PPP1R3G: variants seen among roughly 807,000 people sequenced by gnomAD.
PPP1R3G encodes protein phosphatase 1 regulatory subunit 3G, also known as protein phosphatase 1, regulatory (inhibitor) subunit 3G.
A neutral mutation model predicts 2.0 loss-of-function variants in PPP1R3G; 3 were observed. The observed-to-expected ratio is 1.47, with a 90% CI of 0.67 to 3.81. The LOEUF (loss-of-function observed/expected upper bound fraction) is 3.81. Ranked by LOEUF, PPP1R3G falls within the 30% of genes most tolerant of loss-of-function variation. PPP1R3G has a pLI of 0.02. For missense variants in PPP1R3G, 595 were observed against 517.0 expected (o/e 1.15, Z -1.46); for synonymous variants, 267 against 250.9 (o/e 1.06, Z -0.61).
rs1410565460 is a variant in PPP1R3G at position 5,086,534 on chromosome 6, G to GCCAA, written c.1050_1051insCAAC (p.Tyr351GlnfsTer24). The GCCAA allele has an allele frequency of 2.0e-6, 3 of 1,530,250 alleles. No individual in the cohort carries two copies. Among genetic ancestry groups the GCCAA allele is most frequent in the Non-Finnish European group, 2.6e-6 (3 of 1,140,726 alleles). 94.8% of individuals were successfully genotyped at this position (1,530,250 alleles called of 1,614,324 possible). On this transcript the variant is annotated frameshift_variant, in exon 1 of 1. Transcript: ENST00000405617. LOFTEE classifies it high-confidence loss of function. ...AACGCGGGCGCCAACTACACGCTGC[G>GCCAA]CTACGCGCGCCCTGCGGACGCGCTC...
chr6:5,086,679 G>T lies in PPP1R3G; in HGVS notation c.*117G>T. 2.4e-6 allele frequency: 2 copies of T among 836,238 alleles called. No individual in the cohort carries two copies. 51.8% of individuals were successfully genotyped at this position (836,238 alleles called of 1,614,324 possible). A position where few individuals can be genotyped will look rare whatever the true frequency, so the allele number is the denominator to read the frequency against. On this transcript the variant is annotated 3_prime_UTR_variant, in exon 1 of 1. Coordinates refer to ENST00000405617, the MANE Select transcript of PPP1R3G (RefSeq NM_001145115.3). The stretch of plus-strand genomic sequence containing the variant: ...GAGCGTGGCGAGTCTGGCGTGAGGG[G>T]CGCGTGGAGGGAAAGGAGGGAGACT...
At position 5,086,015 on chromosome 6, in the gene PPP1R3G, T is replaced by G; in HGVS notation, c.530T>G (p.Leu177Arg). ...FPMRAEDLEQ[L>R]GGLLAAAAVA... The stretch of plus-strand genomic sequence containing the variant: ...ATGCGTGCCGAGGACCTGGAGCAGC[T>G]CGGGGGGCTGCTGGCCGCGGCGGCA... The change falls in exon 1 of 1, where the codon CTC becomes CGC. Residue 177 changes from leucine (L) to arginine (R), a missense_variant. Leu to Arg is a moderately radical substitution (Grantham distance 102). Coordinates refer to ENST00000405617, the MANE Select transcript of PPP1R3G (RefSeq NM_001145115.3). 6.7e-7 allele frequency: 1 copy of G among 1,501,250 alleles called. No homozygotes were observed. The allele number at this position is 1,501,250 out of a possible 1,614,324, so 93.0% of individuals were successfully genotyped here.
rs1204242667 is a variant in PPP1R3G, at chr6:5,088,358, G to A, written c.*1796G>A. On this transcript the variant is annotated 3_prime_UTR_variant, in exon 1 of 1. Transcript: ENST00000405617. ...GATCCACCCGCCTTGGCCTCCCAAAGTGCTAGGATTATAGGCGTGAGCCAC... is the reference window on the plus strand; with the variant it reads ...GATCCACCCGCCTTGGCCTCCCAAAATGCTAGGATTATAGGCGTGAGCCAC... 6.6e-6 allele frequency: 1 copy of A among 152,240 alleles called. No homozygotes were observed. The highest frequency in any genetic ancestry group is 1.5e-5 in the Non-Finnish European group (1 of 68,052). 9.4% of individuals were successfully genotyped at this position (152,240 alleles called of 1,614,324 possible). A position where few individuals can be genotyped will look rare whatever the true frequency, so the allele number is the denominator to read the frequency against.
rs1416560446 is a variant in PPP1R3G at position 5,085,622 on chromosome 6, A to G, written c.137A>G (p.Glu46Gly). The part of the protein sequence containing the change: ...QGGGDGGGAS[E>G]TPSPDAQLGD... ...GGCGGCGACGGCGGTGGCGCTTCGG[A>G]GACCCCGAGTCCTGACGCTCAGCTA... The change falls in exon 1 of 1, where the codon GAG (glutamate) becomes GGG (glycine). Residue 46 changes from glutamate (E) to glycine (G), a missense_variant. Glu to Gly is a moderately conservative substitution (Grantham distance 98). Transcript: ENST00000405617. 2 of 1,548,106 alleles carry G rather than the reference A, an allele frequency of 1.3e-6. No individual in the cohort carries two copies. The highest frequency in any genetic ancestry group is 1.7e-4 in the Middle Eastern group (1 of 5,788).
In PPP1R3G at chr6:5,085,940, A is replaced by G. The variant is rs1279370079; in HGVS notation, c.455A>G (p.Glu152Gly). The change falls in exon 1 of 1, where the codon GAG (glutamate) becomes GGG (glycine). Residue 152 changes from glutamate (E) to glycine (G), a missense_variant. Transcript: ENST00000405617. ...LASVKHFSEA[E>G]EPQVPPAVLS... Reference sequence around the variant, plus strand: ...AGCGTGAAGCACTTCAGCGAGGCGGAGGAGCCGCAGGTGCCGCCCGCCGTG... The same window carrying G: ...AGCGTGAAGCACTTCAGCGAGGCGGGGGAGCCGCAGGTGCCGCCCGCCGTG... 1 of 1,526,994 alleles carries G rather than the reference A, an allele frequency of 6.5e-7. No individual in the cohort carries two copies. The highest frequency in any genetic ancestry group is 8.7e-7 in the Non-Finnish European group (1 of 1,143,752). The allele number at this position is 1,526,994 out of a possible 1,614,324, so 94.6% of individuals were successfully genotyped here.
In PPP1R3G at chr6:5,086,671, C is replaced by T. The variant is rs1169468433; in HGVS notation, c.*109C>T. 12 of 905,006 alleles carry T rather than the reference C, an allele frequency of 1.3e-5. 1 individual carries two copies. The highest frequency in any genetic ancestry group is 3.1e-4 in the Middle Eastern group (1 of 3,268). 56.1% of individuals were successfully genotyped at this position (905,006 alleles called of 1,614,324 possible). Reference sequence around the variant, plus strand: ...GCTTTGCTGAGCGTGGCGAGTCTGGCGTGAGGGGCGCGTGGAGGGAAAGGA... The same window carrying T: ...GCTTTGCTGAGCGTGGCGAGTCTGGTGTGAGGGGCGCGTGGAGGGAAAGGA... On this transcript the variant is annotated 3_prime_UTR_variant, in exon 1 of 1. Transcript: ENST00000405617.
rs1487046631 is a variant in PPP1R3G, at chr6:5,085,921, A to C, written c.436A>C (p.Lys146Gln). The C allele has an allele frequency of 6.5e-7, 1 of 1,529,828 alleles. No homozygotes were observed. The highest frequency in any genetic ancestry group is 1.4e-5 in the African/African-American group (1 of 71,808). 94.8% of individuals were successfully genotyped at this position (1,529,828 alleles called of 1,614,324 possible). A position where few individuals can be genotyped will look rare whatever the true frequency, so the allele number is the denominator to read the frequency against. Residue 146 changes from lysine to glutamine, a missense_variant, in exon 1 of 1, where the codon AAG (lysine) becomes CAG (glutamine). Physicochemically the swap from Lys to Gln is moderately conservative, Grantham distance 53. Coordinates refer to ENST00000405617, the MANE Select transcript of PPP1R3G (RefSeq NM_001145115.3). ...GCTGGGGCTAAGCCTGGCCAGCGTG[A>C]AGCACTTCAGCGAGGCGGAGGAGCC... is the stretch of plus-strand genomic sequence containing the variant. ...DTLGLSLASV[K>Q]HFSEAEEPQV...
Position 5,085,430 on chromosome 6 carries a change from T to TTC in PPP1R3G, c.-55_-54insCT. On this transcript the variant is annotated 5_prime_UTR_variant, in exon 1 of 1. Transcript: ENST00000405617. ...CTCCTTCCACGGCCCGAGGAGTTAG[T>TTC]TAAGTCTCCAGAGGGGCCCGGTTCG... The TTC allele has an allele frequency of 2.3e-6, 3 of 1,317,790 alleles. No individual in the cohort carries two copies. Among genetic ancestry groups the TTC allele is most frequent in the South Asian group, 1.4e-5 (1 of 72,886 alleles). 81.6% of individuals were successfully genotyped at this position (1,317,790 alleles called of 1,614,324 possible). A position where few individuals can be genotyped will look rare whatever the true frequency, so the allele number is the denominator to read the frequency against.
At position 5,086,081 on chromosome 6, in the gene PPP1R3G, C is replaced by A. The variant is rs1649776500; in HGVS notation, c.596C>A (p.Pro199Gln). The A allele has an allele frequency of 6.8e-7, 1 of 1,467,988 alleles. No individual in the cohort carries two copies. The highest frequency in any genetic ancestry group is 8.9e-7 in the Non-Finnish European group (1 of 1,118,146). 90.9% of individuals were successfully genotyped at this position (1,467,988 alleles called of 1,614,324 possible). A position where few individuals can be genotyped will look rare whatever the true frequency, so the allele number is the denominator to read the frequency against. ...PLSAPPSRLRPLFQLPGPSAA... is the reference protein window; with the variant it reads ...PLSAPPSRLRQLFQLPGPSAA... ...TCAGCGCCGCCTTCCCGGCTCCGGC[C>A]GCTCTTCCAGCTCCCGGGGCCGAGC... Residue 199 changes from proline to glutamine, a missense_variant, in exon 1 of 1, where the codon CCG becomes CAG. Physicochemically the swap from Pro to Gln is moderately conservative, Grantham distance 76 (BLOSUM62 -1). Coordinates refer to ENST00000405617, the MANE Select transcript of PPP1R3G (RefSeq NM_001145115.3).
chr6:5,088,941 C>T lies in PPP1R3G; in HGVS notation c.*2379C>T, dbSNP rs1168505927. 1 of 152,190 alleles carries T rather than the reference C, an allele frequency of 6.6e-6. No homozygotes were observed. The highest frequency in any genetic ancestry group is 2.4e-5 in the African/African-American group (1 of 41,436). The allele number at this position is 152,190 out of a possible 1,614,324, so 9.4% of individuals were successfully genotyped here. ...AATTGGCTTCAAACTACAAAGCTGC[C>T]AGATATTTCTCTGTGCTTCAAAATG... is the stretch of plus-strand genomic sequence containing the variant. On this transcript the variant is annotated 3_prime_UTR_variant, in exon 1 of 1. Coordinates refer to ENST00000405617, the MANE Select transcript of PPP1R3G (RefSeq NM_001145115.3).
rs1310615079 is a variant in PPP1R3G, at chr6:5,085,821, G to C, written c.336G>C (p.Glu112Asp). 6.5e-7 allele frequency: 1 copy of C among 1,527,990 alleles called. No homozygotes were observed. 94.7% of individuals were successfully genotyped at this position (1,527,990 alleles called of 1,614,324 possible). A position where few individuals can be genotyped will look rare whatever the true frequency, so the allele number is the denominator to read the frequency against. The change falls in exon 1 of 1, where the codon GAG (glutamate) becomes GAC (aspartate). Residue 112 changes from glutamate (E) to aspartate (D), a missense_variant. Coordinates refer to ENST00000405617, the MANE Select transcript of PPP1R3G (RefSeq NM_001145115.3). ...AACAGGCGGTGGCACTGGGCGGCGA[G>C]GGGGCGGAGGACGCACAGCTCGGCC... ...QQQQAVALGG[E>D]GAEDAQLGPG...
rs1761975026 is a variant in PPP1R3G at position 5,085,697 on chromosome 6, A to G, written c.212A>G (p.Glu71Gly). The G allele has an allele frequency of 6.5e-7, 1 of 1,547,850 alleles. No homozygotes were observed. Among genetic ancestry groups the G allele is most frequent in the African/African-American group, 1.4e-5 (1 of 72,880 alleles). ...GAAGAGGCCGCCCCCCAGGAGCAGG[A>G]GGAGCTGCTGGAATGCCGCCGCCGC... ...PKEEAAPQEQ[E>G]ELLECRRRCR... Residue 71 changes from glutamate to glycine, a missense_variant, in exon 1 of 1, where the codon GAG (glutamate) becomes GGG (glycine). Transcript: ENST00000405617.
In PPP1R3G at chr6:5,087,345, C is replaced by A; in HGVS notation, c.*783C>A. The A allele has an allele frequency of 6.6e-6, 1 of 152,378 alleles. No homozygotes were observed. The highest frequency in any genetic ancestry group is 1.5e-5 in the Non-Finnish European group (1 of 68,050). The allele number at this position is 152,378 out of a possible 1,614,324, so 9.4% of individuals were successfully genotyped here. A position where few individuals can be genotyped will look rare whatever the true frequency, so the allele number is the denominator to read the frequency against. ...CTTAAACAACAGCCTACAAATTCCT[C>A]CCCTTCGTTCCTTCCTCTCTACTGC... On this transcript the variant is annotated 3_prime_UTR_variant, in exon 1 of 1. Coordinates refer to ENST00000405617, the MANE Select transcript of PPP1R3G (RefSeq NM_001145115.3).
In PPP1R3G at chr6:5,085,681, GC is replaced by G. The variant is rs1428762292; in HGVS notation, c.202del (p.Gln68ArgfsTer73). On this transcript the variant is annotated frameshift_variant, in exon 1 of 1. Coordinates refer to ENST00000405617, the MANE Select transcript of PPP1R3G (RefSeq NM_001145115.3). LOFTEE classifies it low-confidence loss of function (END_TRUNC). ...GCCCCTGTCCCCGAAGGAAGAGGCCGCCCCCCAGGAGCAGGAGGAGCTGCTG... is the reference window on the plus strand; with the variant it reads ...GCCCCTGTCCCCGAAGGAAGAGGCCGCCCCCAGGAGCAGGAGGAGCTGCTG... ...DRPLSPKEEA[A>X]PQEQEELLEC... 1.9e-6 allele frequency: 3 copies of G among 1,548,050 alleles called. No individual in the cohort carries two copies. Among genetic ancestry groups the G allele is most frequent in the Admixed American group, 3.9e-5 (2 of 50,972 alleles).
rs772692638 is a variant in PPP1R3G at position 5,086,257 on chromosome 6, C to A, written c.772C>A (p.Arg258Ser). The A allele has an allele frequency of 1.3e-6, 2 of 1,535,578 alleles. No individual in the cohort carries two copies. Among genetic ancestry groups the A allele is most frequent in the African/African-American group, 2.7e-5 (2 of 73,166 alleles). Residue 258 changes from arginine to serine, a missense_variant, in exon 1 of 1, where the codon CGC (arginine) becomes AGC (serine). Coordinates refer to ENST00000405617, the MANE Select transcript of PPP1R3G (RefSeq NM_001145115.3). ...VTVRYTFTEW[R>S]SFLDVPAELQ... The stretch of plus-strand genomic sequence containing the variant: ...CGTGCGCTACACCTTTACCGAGTGG[C>A]GCTCCTTCCTGGACGTGCCGGCTGA...
chr6:5,086,002 G>C lies in PPP1R3G; in HGVS notation c.517G>C (p.Asp173His), dbSNP rs751993316. Residue 173 changes from aspartate (D) to histidine (H), a missense_variant, in exon 1 of 1, where the codon GAC becomes CAC. Transcript: ENST00000405617. Reference sequence around the variant, plus strand: ...CCGAAGCTTCCCTATGCGTGCCGAGGACCTGGAGCAGCTCGGGGGGCTGCT... The same window carrying C: ...CCGAAGCTTCCCTATGCGTGCCGAGCACCTGGAGCAGCTCGGGGGGCTGCT... Reference protein sequence around the residue: ...RLRSFPMRAEDLEQLGGLLAA... With the variant: ...RLRSFPMRAEHLEQLGGLLAA... 1 of 1,519,990 alleles carries C rather than the reference G, an allele frequency of 6.6e-7. No homozygotes were observed. The highest frequency in any genetic ancestry group is 1.2e-5 in the South Asian group (1 of 82,798). The allele number at this position is 1,519,990 out of a possible 1,614,324, so 94.2% of individuals were successfully genotyped here. A position where few individuals can be genotyped will look rare whatever the true frequency, so the allele number is the denominator to read the frequency against.
At position 5,086,303 on chromosome 6, in the gene PPP1R3G, A is replaced by C. The variant is rs1237973763; in HGVS notation, c.818A>C (p.Glu273Ala). Residue 273 changes from glutamate (E) to alanine (A), a missense_variant, in exon 1 of 1, where the codon GAG becomes GCG. Glu to Ala is a moderately radical substitution (Grantham distance 107). Coordinates refer to ENST00000405617, the MANE Select transcript of PPP1R3G (RefSeq NM_001145115.3). Reference protein sequence around the residue: ...VPAELQPEPLEPQQPEAPSGA... With the variant: ...VPAELQPEPLAPQQPEAPSGA... ...GCTGAGCTGCAGCCCGAGCCGCTGG[A>C]GCCACAGCAGCCAGAGGCACCGTCT... 2.7e-5 allele frequency: 42 copies of C among 1,535,564 alleles called. No individual in the cohort carries two copies. Among genetic ancestry groups the C allele is most frequent in the Non-Finnish European group, 3.7e-5 (42 of 1,146,704 alleles).
In PPP1R3G at chr6:5,085,916, G is replaced by A. The variant is rs1195715827; in HGVS notation, c.431G>A (p.Ser144Asn). 5 of 1,530,478 alleles carry A rather than the reference G, an allele frequency of 3.3e-6. No individual in the cohort carries two copies. The highest frequency in any genetic ancestry group is 1.7e-6 in the Non-Finnish European group (2 of 1,144,934). The allele number at this position is 1,530,478 out of a possible 1,614,324, so 94.8% of individuals were successfully genotyped here. A position where few individuals can be genotyped will look rare whatever the true frequency, so the allele number is the denominator to read the frequency against. ...FADTLGLSLA[S>N]VKHFSEAEEP... ...GACACGCTGGGGCTAAGCCTGGCCA[G>A]CGTGAAGCACTTCAGCGAGGCGGAG... is the stretch of plus-strand genomic sequence containing the variant. The change falls in exon 1 of 1, where the codon AGC becomes AAC. Residue 144 changes from serine to asparagine, a missense_variant. By Grantham distance (46) the Ser-to-Asn change is conservative. Transcript: ENST00000405617.
chr6:5,085,341 C>G lies in PPP1R3G; in HGVS notation c.-145C>G, dbSNP rs1581247193. 1.6e-6 allele frequency: 1 copy of G among 610,552 alleles called. No homozygotes were observed. Among genetic ancestry groups the G allele is most frequent in the South Asian group, 2.1e-5 (1 of 48,016 alleles). 37.8% of individuals were successfully genotyped at this position (610,552 alleles called of 1,614,324 possible). ...AGCCGGAGGCTCCAAAGTGGAACTACGTTGTCTTGTCGAGCCTGGGGCGAC... is the reference window on the plus strand; with the variant it reads ...AGCCGGAGGCTCCAAAGTGGAACTAGGTTGTCTTGTCGAGCCTGGGGCGAC... On this transcript the variant is annotated 5_prime_UTR_variant, in exon 1 of 1. Coordinates refer to ENST00000405617, the MANE Select transcript of PPP1R3G (RefSeq NM_001145115.3).
Sources: allele counts gnomAD v4.1 joint callset, GRCh38; gene constraint gnomAD v4.1.1; transcripts MANE v1.5; gene names NCBI Gene and HGNC (gene_info 2026-07-23, HGNC 2026-07-21).